Variants in PPP1R12A observed in about 807,000 individuals in gnomAD.
The protein encoded by PPP1R12A is protein phosphatase 1 regulatory subunit 12A.
In PPP1R12A, 19 loss-of-function variants were observed where a neutral mutation model predicts 139.6. The ratio of observed to expected loss-of-function variants is 0.14; its 90% CI spans 0.09 to 0.20. PPP1R12A has a LOEUF of 0.20. Among genes scored for constraint, PPP1R12A ranks in the 10% least tolerant of loss-of-function variants. The pLI is 1.00. For missense variants in PPP1R12A, 925 were observed against 1,211.5 expected, an observed-to-expected ratio of 0.76 and a Z score of 3.51; for synonymous variants, 427 against 420.6, an observed-to-expected ratio of 1.02 and a Z score of -0.19.
Position 79,906,242 on chromosome 12 carries a change from A to C in PPP1R12A, c.237+28453T>G, listed in dbSNP as rs1329734451. Reference sequence around the variant, plus strand: ...TAATATTAATGATAAAAACTTAAAAAATCAGCTATATGATAAGTGGGATTA... The same window carrying C: ...TAATATTAATGATAAAAACTTAAAACATCAGCTATATGATAAGTGGGATTA... On this transcript the variant is annotated intron_variant, in intron 1 of 24. Transcript: ENST00000450142. Among the ~76,000 whole-genome samples, 7 of 152,292 alleles carry C rather than the reference A, an allele frequency of 4.6e-5. No homozygotes were observed. In the South Asian group the frequency reaches 1.2e-3, roughly 27 times the overall value.
chr12:79,896,456 C>G (rs1042711873), intron 1 of PPP1R12A, among the ~76,000 whole-genome samples: 6 of 152,018 alleles, frequency 3.9e-5, no homozygotes, highest in Non-Finnish European at 7.4e-5. Context: ...ACCTCAGCCT[C>G]CCAAGCAGCT....
chr12:79,791,748 A>G (rs1251837779), intron 19 of PPP1R12A, among the ~76,000 whole-genome samples: 1 of 152,312 alleles, frequency 6.6e-6, no homozygotes, highest in Non-Finnish European at 1.5e-5. Flanking sequence ...ATTGTTGTGC[A>G]AAAGATCGCT....
intron 1 of PPP1R12A, among the ~76,000 whole-genome samples, chr12:79,913,614 G>T (rs1387212095): frequency 6.6e-6 from 1 of 152,160 alleles, no homozygotes; most frequent in Non-Finnish European, 1.5e-5. Context: ...GAGTCGGTCA[G>T]TCCTCTCACT....
chr12:79,821,227 C>T, intron 6 of PPP1R12A, 61 bp from the exon 7 acceptor site: 1 of 1,176,420 alleles, frequency 8.5e-7, no homozygotes. Flanking sequence ...TACTAAGATG[C>T]AGAGTTTAAA....
At chr12:79,890,964 CTT>C (rs1884584689) in intron 1 of PPP1R12A, among the ~76,000 whole-genome samples, 1 of 149,188 alleles carries the variant, frequency 6.7e-6, no homozygotes, top group Admixed American at 6.7e-5. Flanking sequence ...CTCTCTCTCT[CTT>C]TCTCTCTCTC....
At chr12:79,788,222 C>A (rs1483006495) in intron 21 of PPP1R12A, 1 of 153,828 alleles carries the variant, frequency 6.5e-6, no homozygotes, top group African/African-American at 2.4e-5. Context: ...GATATAGTTT[C>A]TGCGATTTAT....
chr12:79,832,290 G>A (rs757427647), intron 4 of PPP1R12A, 42 bp downstream of exon 4: 2 of 1,525,504 alleles, frequency 1.3e-6, no homozygotes, highest in East Asian at 4.8e-5. Context: ...GAATAAAGAA[G>A]ACAAACTAAA....
At chr12:79,831,498 G>A (rs1410745210) in intron 4 of PPP1R12A, among the ~76,000 whole-genome samples, 1 of 152,126 alleles carries the variant, frequency 6.6e-6, no homozygotes, top group Non-Finnish European at 1.5e-5. Context: ...TGGGAGGACT[G>A]CCTGAGCCTC....
At chr12:79,797,539 G>C (rs1485175005) in intron 15 of PPP1R12A, 144 bp from the exon 16 acceptor site, 1 of 733,054 alleles carries the variant, frequency 1.4e-6, no homozygotes, top group Non-Finnish European at 2.2e-6. Context: ...GAAACAGCAA[G>C]TTACATTCAT....
intron 1 of PPP1R12A, among the ~76,000 whole-genome samples, chr12:79,929,235 G>A (rs1168106631): frequency 6.6e-6 from 1 of 152,194 alleles, no homozygotes; most frequent in Non-Finnish European, 1.5e-5. Context: ...GTGGATTTCA[G>A]GCAGTAATGC....
In PPP1R12A at chr12:79,797,185, A is replaced by G. The variant is rs1483019162; in HGVS notation, c.2292+10T>C. 9 of 1,565,534 alleles carry G rather than the reference A, an allele frequency of 5.7e-6. No homozygotes were observed. The highest frequency in any genetic ancestry group is 7.8e-6 in the Non-Finnish European group (9 of 1,155,904). On this transcript the variant is annotated intron_variant, in intron 16 of 24. Transcript: ENST00000450142. ...CATTTGACTTAAATGTGCTTTTGAT[A>G]TACTGTTACCTCATCATACGTTCTG... is the stretch of plus-strand genomic sequence containing the variant.
chr12:79,851,875 T>C (rs1242083577), intron 2 of PPP1R12A, among the ~76,000 whole-genome samples: 2 of 152,218 alleles, frequency 1.3e-5, no homozygotes, highest in Non-Finnish European at 2.9e-5. Context: ...GTTTACTGAG[T>C]CATTCTTCTA....
chr12:79,784,140 TA>T (rs2136981945), intron 22 of PPP1R12A, among the ~76,000 whole-genome samples: 1 of 152,088 alleles, frequency 6.6e-6, no homozygotes, highest in East Asian at 1.9e-4. Context: ...TATTTGTGAA[TA>T]GTTATGAAGT....
chr12:79,814,940 A>C (rs1341211070), intron 9 of PPP1R12A, among the ~76,000 whole-genome samples: 1 of 152,090 alleles, frequency 6.6e-6, no homozygotes, highest in African/African-American at 2.4e-5. Flanking sequence ...ATGGTGCTTG[A>C]AACTGAGAAT....
intron 2 of PPP1R12A, among the ~76,000 whole-genome samples, chr12:79,850,361 G>C (rs1292342413): frequency 6.6e-6 from 1 of 152,184 alleles, no homozygotes; most frequent in Non-Finnish European, 1.5e-5. Context: ...AAACAGGTGA[G>C]ATTCTGGGTT....
At chr12:79,897,954 T>C (rs926346534) in intron 1 of PPP1R12A, among the ~76,000 whole-genome samples, 1 of 152,234 alleles carries the variant, frequency 6.6e-6, no homozygotes, top group Non-Finnish European at 1.5e-5. Flanking sequence ...CAAACAATGC[T>C]AGGAGAATTT....
At chr12:79,797,489 T>A (rs549694738) in intron 15 of PPP1R12A, 94 bp from the exon 16 acceptor site, 4 of 1,192,222 alleles carry the variant, frequency 3.4e-6, no homozygotes, top group Non-Finnish European at 4.6e-6. Flanking sequence ...ACAAATGCAT[T>A]AAAAGTCAAA....
chr12:79,855,279 C>T (rs1230005902), intron 2 of PPP1R12A, among the ~76,000 whole-genome samples: 5 of 152,120 alleles, frequency 3.3e-5, no homozygotes, highest in Non-Finnish European at 4.4e-5. Context: ...TGAGCCACCG[C>T]GCCTGGCCCC....
upstream of PPP1R12A, chr12:79,935,231 A>C (rs1888579550): frequency 3.2e-6 from 4 of 1,243,932 alleles, no homozygotes; most frequent in Non-Finnish European, 4.0e-6. Flanking sequence ...CCCTTCGACC[A>C]GTGCGCATGC....
Sources: allele counts gnomAD v4.1 joint callset (sites outside exome capture counted in the v4.1 genomes callset), GRCh38; gene constraint gnomAD v4.1.1; transcripts MANE v1.5; gene names NCBI Gene and HGNC (gene_info 2026-07-23, HGNC 2026-07-21).